Variants in SPTBN1 observed in about 807,000 individuals in gnomAD.
SPTBN1 encodes spectrin beta, non-erythrocytic 1.
Under a neutral mutation model 266.4 loss-of-function variants are expected in SPTBN1, and 32 were observed. The ratio of observed to expected loss-of-function variants is 0.12; its 90% CI spans 0.09 to 0.16. The LOEUF (loss-of-function observed/expected upper bound fraction) is 0.16, where lower values mean the gene tolerates loss of function less well. Among genes scored for constraint, SPTBN1 ranks in the 10% least tolerant of loss-of-function variants. The pLI is 1.00. For missense variants in SPTBN1, 2,296 were observed against 3,067.1 expected, an observed-to-expected ratio of 0.75 and a Z score of 5.94; for synonymous variants, 1,336 against 1,162.2, an observed-to-expected ratio of 1.15 and a Z score of -3.04.
At chr2:54,650,507 C>T (rs1680203585) in intron 26 of SPTBN1, among the ~76,000 whole-genome samples, 1 of 152,302 alleles carries the variant, frequency 6.6e-6, no homozygotes, top group South Asian at 2.1e-4. Context: ...AGTTTCCTTT[C>T]TGATCTCTGC....
rs1008292186 is a variant in SPTBN1, at chr2:54,647,284, G to A, written c.4997+23G>A. The A allele has an allele frequency of 4.3e-6, 7 of 1,611,520 alleles. No individual in the cohort carries two copies. The African/African-American group carries it at 9.3e-5, about 22-fold the overall frequency. On this transcript the variant is annotated intron_variant, in intron 24 of 35. Coordinates refer to ENST00000356805, the MANE Select transcript of SPTBN1 (RefSeq NM_003128.3). ...AAGGTGAGCGCTGCTTCATGAGTGT[G>A]AGACCCGGCTCTCGATTCCTCTCAG...
At position 54,646,573 on chromosome 2, in the gene SPTBN1, C is replaced by G. The variant is rs1679940553; in HGVS notation, c.4866+98C>G. On this transcript the variant is annotated intron_variant, in intron 23 of 35. Transcript: ENST00000356805. The surrounding 1 kb of genome is among the most constrained non-coding windows in gnomAD (Gnocchi z 4.4). ...CGGCTCTGTCTGTATAAAAACTTCC[C>G]TTGTAGCCTTTGAGTGTTAAGGGGA... The G allele has an allele frequency of 1.5e-6, 2 of 1,363,814 alleles. No homozygotes were observed. Among genetic ancestry groups the G allele is most frequent in the African/African-American group, 2.9e-5 (2 of 68,160 alleles). 84.5% of individuals were successfully genotyped at this position (1,363,814 alleles called of 1,614,324 possible). A position where few individuals can be genotyped will look rare whatever the true frequency, so the allele number is the denominator to read the frequency against.
At chr2:54,641,066 C>G (rs1156607371) in intron 18 of SPTBN1, among the ~76,000 whole-genome samples, 1 of 152,084 alleles carries the variant, frequency 6.6e-6, no homozygotes, top group Admixed American at 6.5e-5. Context: ...TTTTCCTTAT[C>G]TTTTTCCAGT....
At chr2:54,589,032 A>G (rs764547951) in intron 2 of SPTBN1, among the ~76,000 whole-genome samples, 1 of 152,206 alleles carries the variant, frequency 6.6e-6, no homozygotes, top group Non-Finnish European at 1.5e-5. Flanking sequence ...ATCGTGGAGA[A>G]TGGGATATCC....
At chr2:54,511,794 C>G (rs1669869685) in intron 1 of SPTBN1, among the ~76,000 whole-genome samples, 1 of 151,966 alleles carries the variant, frequency 6.6e-6, no homozygotes, top group African/African-American at 2.4e-5. Flanking sequence ...CCTCTTGAAC[C>G]CAAGAGGTGG....
At chr2:54,506,909 G>C (rs868787055) in intron 1 of SPTBN1, among the ~76,000 whole-genome samples, 1 of 22,328 alleles carries the variant, frequency 4.5e-5, no homozygotes, top group Non-Finnish European at 8.8e-5. Flanking sequence ...TTTTTTTTTT[G>C]AGCAACAAGA....
At chr2:54,482,710 T>C (rs999461462) in intron 1 of SPTBN1, among the ~76,000 whole-genome samples, 5 of 152,172 alleles carry the variant, frequency 3.3e-5, no homozygotes, top group Non-Finnish European at 7.4e-5. Context: ...TTGGATAGTA[T>C]AGATATAGAA....
chr2:54,512,392 G>C (rs2104225555), intron 1 of SPTBN1, among the ~76,000 whole-genome samples: 1 of 152,292 alleles, frequency 6.6e-6, no homozygotes, highest in East Asian at 1.9e-4. Context: ...AAGGCTTGTT[G>C]CTGCAGTGTT....
intron 20 of SPTBN1, 151 bp downstream of exon 20, chr2:54,644,737 A>G (rs1016462275): frequency 3.8e-5 from 40 of 1,042,316 alleles, no homozygotes; most frequent in African/African-American, 3.2e-5. Context: ...ACAGCATCGT[A>G]GAACATTTCC....
intron 2 of SPTBN1, 32 bp from the exon 3 acceptor site, chr2:54,599,060 C>G: frequency 6.2e-7 from 1 of 1,610,008 alleles, no homozygotes; most frequent in Non-Finnish European, 8.5e-7. Flanking sequence ...GTTCTGTGGT[C>G]AATGGTAAAA....
chr2:54,615,474 C>T (rs1677540141), intron 4 of SPTBN1, among the ~76,000 whole-genome samples: 1 of 152,222 alleles, frequency 6.6e-6, no homozygotes, highest in Non-Finnish European at 1.5e-5. Context: ...TGGCAGTTGG[C>T]GCCTAATCTA....
At chr2:54,593,957 C>G (rs1001198926) in intron 2 of SPTBN1, among the ~76,000 whole-genome samples, 5 of 150,404 alleles carry the variant, frequency 3.3e-5, no homozygotes, top group African/African-American at 1.2e-4. Context: ...CCTCAGCCTC[C>G]TGAGTAGCTG....
chr2:54,599,574 C>G (rs764334926), intron 3 of SPTBN1, among the ~76,000 whole-genome samples: 10 of 152,234 alleles, frequency 6.6e-5, no homozygotes, highest in Non-Finnish European at 1.2e-4. Context: ...CTAGATGAAC[C>G]TGTGTCCCAC....
At chr2:54,585,790 A>C (rs971020385) in intron 2 of SPTBN1, among the ~76,000 whole-genome samples, 2 of 152,216 alleles carry the variant, frequency 1.3e-5, no homozygotes, top group Non-Finnish European at 2.9e-5. Context: ...GCTGTGGACT[A>C]ATCCAAGATG....
At chr2:54,662,066 T>A (rs140660534) in intron 32 of SPTBN1, 1 of 985,452 alleles carries the variant, frequency 1.0e-6, no homozygotes, top group African/African-American at 1.7e-5. Context: ...TGCTACTAGT[T>A]GTCACGTTGC....
chr2:54,565,136 T>C (rs562257948), intron 2 of SPTBN1, among the ~76,000 whole-genome samples: 11 of 152,292 alleles, frequency 7.2e-5, no homozygotes, highest in African/African-American at 2.4e-4. Context: ...AATAAGTGTT[T>C]CCAGCTACTC....
chr2:54,617,519 C>T (rs1204538981), intron 5 of SPTBN1, 89 bp from the exon 6 acceptor site: 2 of 1,220,124 alleles, frequency 1.6e-6, no homozygotes, highest in Admixed American at 2.0e-5. Context: ...ACAATGCTTA[C>T]AGACTTTTTA....
At chr2:54,655,364 A>G (rs1202171823) in intron 28 of SPTBN1, among the ~76,000 whole-genome samples, 156 bp downstream of exon 28, 4 of 152,202 alleles carry the variant, frequency 2.6e-5, no homozygotes, top group African/African-American at 9.6e-5. Context: ...GAATAATGCA[A>G]TTATGCAAGA....
At chr2:54,457,687 C>A (rs1317117090) in intron 1 of SPTBN1, among the ~76,000 whole-genome samples, 1 of 152,212 alleles carries the variant, frequency 6.6e-6, no homozygotes, top group Non-Finnish European at 1.5e-5. Flanking sequence ...TCGGCGCCTG[C>A]GGCCCCCGCC....
Sources: gnomAD v4.1 joint callset for allele counts (sites outside exome capture counted in the v4.1 genomes callset) on GRCh38, gnomAD v4.1.1 for gene constraint, Gnocchi (gnomAD v3.1) non-coding constraint, MANE v1.5 for transcripts, NCBI Gene and HGNC (gene_info 2026-07-23, HGNC 2026-07-21) for gene names.